Variants in AHRR observed in about 807,000 individuals in gnomAD.
The protein encoded by AHRR is aryl hydrocarbon receptor repressor, also known as ahR repressor.
In AHRR, 28 loss-of-function variants were observed where a neutral mutation model predicts 44.0. That is an observed-to-expected ratio of 0.64 (90% CI 0.47 to 0.87). AHRR has a LOEUF of 0.87. Among genes scored for constraint, AHRR ranks in the 40% least tolerant of loss-of-function variants. The probability of loss-of-function intolerance (pLI) is 0.00; values close to 1 mark genes in which losing one functional copy is unlikely to be tolerated. For synonymous variants in AHRR, 434 were observed against 407.0 expected, an observed-to-expected ratio of 1.07 and a Z score of -0.80; for missense variants, 990 against 953.9, an observed-to-expected ratio of 1.04 and a Z score of -0.50.
chr5:406,016 G>A lies in AHRR; in HGVS notation c.352-7328G>A, dbSNP rs1387861720. On this transcript the variant is annotated intron_variant, in intron 4 of 10. Transcript: ENST00000684583. The surrounding 1 kb of genome is among the most constrained non-coding windows in gnomAD (Gnocchi z 4.7). The stretch of plus-strand genomic sequence containing the variant: ...TCCCCACACCTGTGACACCCAACAA[G>A]ATAGACACAGATGTATGAAACGCTC... 6.6e-6 allele frequency among the ~76,000 whole-genome samples: 1 copy of A among 152,082 alleles called. No homozygotes were observed. Among genetic ancestry groups the A allele is most frequent in the African/African-American group, 2.4e-5 (1 of 41,392 alleles).
chr5:427,894 C>T lies in AHRR; in HGVS notation c.796C>T (p.Leu266=). 6.2e-7 allele frequency: 1 copy of T among 1,614,172 alleles called. No homozygotes were observed. The highest frequency in any genetic ancestry group is 8.5e-7 in the Non-Finnish European group (1 of 1,180,052). The change falls in exon 8 of 11, where the codon CTG becomes TTG. Residue 266 remains leucine (L), a synonymous_variant. Transcript: ENST00000684583. ...AGCCATGCTCCCGCCGCGGCTGTCG[C>T]TGTTCTGCATTGCGGCACCCGTTCT... ...SGAMLPPRLS[L]FCIAAPVLLP... is the part of the protein sequence containing the mutation.
intron 2 of AHRR, among the ~76,000 whole-genome samples, chr5:344,801 G>T (rs1260403588): frequency 7.5e-6 from 1 of 133,172 alleles, no homozygotes; most frequent in Non-Finnish European, 1.6e-5. Flanking sequence ...GGCTGTGTGA[G>T]ACTGTGTGTG....
intron 3 of AHRR, among the ~76,000 whole-genome samples, chr5:371,272 C>G (rs1026408600): frequency 3.9e-5 from 6 of 152,200 alleles, no homozygotes; most frequent in Non-Finnish European, 1.5e-5. Context: ...CTGGAAACAC[C>G]TCCCAACACA....
intron 4 of AHRR, among the ~76,000 whole-genome samples, chr5:379,712 A>G (rs1481301821): frequency 6.6e-6 from 1 of 152,068 alleles, no homozygotes; most frequent in Non-Finnish European, 1.5e-5. Flanking sequence ...CAGTTTAGAG[A>G]TCTCTTTATA....
chr5:352,625 C>G (rs1447354433), intron 2 of AHRR, among the ~76,000 whole-genome samples: 10 of 127,958 alleles, frequency 7.8e-5, no homozygotes, highest in East Asian at 2.3e-4. Context: ...GATGGTCACT[C>G]TGAGGTTAAA....
In AHRR at chr5:410,559, A is replaced by AAC. The variant is rs1553986983; in HGVS notation, c.352-2785_352-2784insAC. On this transcript the variant is annotated intron_variant, in intron 4 of 10. Transcript: ENST00000684583. ...GTCGCTTTCTATAAAAAGAAAAAAA[A>AAC]CTTTAAAATGATGATTGGGATTGCA... Among the ~76,000 whole-genome samples, 19 of 152,114 alleles carry AAC rather than the reference A, an allele frequency of 1.2e-4. No individual in the cohort carries two copies. In the East Asian group the frequency reaches 1.9e-3, roughly 15 times the overall value.
chr5:361,942 G>C (rs1387291997), intron 3 of AHRR, among the ~76,000 whole-genome samples: 1 of 152,200 alleles, frequency 6.6e-6, no homozygotes, highest in East Asian at 1.9e-4. Context: ...TGGAGTTAAT[G>C]TATTTTGCAT....
At chr5:409,527 C>T (rs1393695120) in intron 4 of AHRR, among the ~76,000 whole-genome samples, 1 of 152,158 alleles carries the variant, frequency 6.6e-6, no homozygotes, top group Non-Finnish European at 1.5e-5. Flanking sequence ...AGCAGCAGCT[C>T]TGTGAGGTTT....
intron 4 of AHRR, among the ~76,000 whole-genome samples, chr5:398,429 A>G (rs1734862978): frequency 6.6e-6 from 1 of 151,054 alleles, no homozygotes; most frequent in Non-Finnish European, 1.5e-5. Flanking sequence ...GACCATCCAC[A>G]TAAGCCCCTG....
chr5:419,354 G>A lies in AHRR; in HGVS notation c.442-3375G>A, dbSNP rs1321139573. Among the ~76,000 whole-genome samples the A allele has an allele frequency of 5.9e-5, 9 of 151,990 alleles. No individual in the cohort carries two copies. The highest frequency in any genetic ancestry group is 2.2e-4 in the African/African-American group (9 of 41,360). On this transcript the variant is annotated intron_variant, in intron 5 of 10. Coordinates refer to ENST00000684583, the MANE Select transcript of AHRR (RefSeq NM_001377236.1). This position sits in a 1 kb window ranked among gnomAD's most constrained non-coding sequence, Gnocchi z 4.4. ...TAAATTTTGTATTTTTAGAAGAGAC[G>A]GGGCTTCACCATGTTGAAGCCAGGC...
chr5:428,925 G>C (rs976803632), intron 8 of AHRR, among the ~76,000 whole-genome samples: 3 of 152,204 alleles, frequency 2.0e-5, no homozygotes, highest in African/African-American at 7.2e-5. Context: ...GTGGAGCTCT[G>C]GCGGTCACGC....
intron 3 of AHRR, among the ~76,000 whole-genome samples, chr5:362,138 C>T (rs538579369): frequency 6.6e-6 from 1 of 152,206 alleles, no homozygotes; most frequent in East Asian, 1.9e-4. Context: ...GGGATTAGCA[C>T]ACGTATAAGG....
At chr5:393,370 G>A (rs904305921) in intron 4 of AHRR, among the ~76,000 whole-genome samples, 4 of 152,338 alleles carry the variant, frequency 2.6e-5, no homozygotes, top group East Asian at 3.9e-4. Context: ...CTCACTAACC[G>A]ATCCTTCCTC....
At chr5:429,343 G>A (rs114766172) in intron 8 of AHRR, among the ~76,000 whole-genome samples, 4,512 of 151,422 alleles carry the variant, frequency 0.03, 134 homozygotes, top group Middle Eastern at 0.079. Context: ...CCAGGATGCC[G>A]GAGATCCAAC....
chr5:421,060 C>T (rs931782641), intron 5 of AHRR: 2 of 526,574 alleles, frequency 3.8e-6, no homozygotes, highest in Admixed American at 3.7e-5. Context: ...TCCACCGCAG[C>T]GACTAAAAGA....
At chr5:409,551 C>A (rs1160423323) in intron 4 of AHRR, among the ~76,000 whole-genome samples, 1 of 152,200 alleles carries the variant, frequency 6.6e-6, no homozygotes, top group Non-Finnish European at 1.5e-5. Context: ...CTTGCACATC[C>A]CTGATGGCTA....
At position 432,788 on chromosome 5, in the gene AHRR, C is replaced by G. The variant is rs553699720; in HGVS notation, c.971-18C>G. On this transcript the variant is annotated intron_variant, in intron 9 of 10. Coordinates refer to ENST00000684583, the MANE Select transcript of AHRR (RefSeq NM_001377236.1). Reference sequence around the variant, plus strand: ...AGCTCGCACCGTGACGGCTTCCCCCCCCTCTAAACCCCAACAGGAAGGAGC... The same window carrying G: ...AGCTCGCACCGTGACGGCTTCCCCCGCCTCTAAACCCCAACAGGAAGGAGC... 46 of 1,613,934 alleles carry G rather than the reference C, an allele frequency of 2.9e-5. No homozygotes were observed. Among genetic ancestry groups the G allele is most frequent in the South Asian group, 1.8e-4 (16 of 91,084 alleles).
rs546650499 is a variant in AHRR, at chr5:353,740, G to C, written c.73G>C (p.Val25Leu). 3.1e-6 allele frequency: 5 copies of C among 1,609,716 alleles called. No individual in the cohort carries two copies. The highest frequency in any genetic ancestry group is 1.1e-5 in the South Asian group (1 of 90,876). ...ACCATCTCCCCACAGGAGGCCCGCC[G>C]TGGGGGCAGAGAAGTCCAACCCCTC... ...RRPLQKQRPA[V>L]GAEKSNPSKR... The change falls in exon 3 of 11, where the codon GTG (valine) becomes CTG (leucine). Residue 25 changes from valine (V) to leucine (L), a missense_variant. Val to Leu is a conservative substitution (Grantham distance 32, BLOSUM62 1). Coordinates refer to ENST00000684583, the MANE Select transcript of AHRR (RefSeq NM_001377236.1).
intron 3 of AHRR, among the ~76,000 whole-genome samples, chr5:364,766 T>C (rs1279685489): frequency 6.6e-6 from 1 of 152,052 alleles, no homozygotes; most frequent in Non-Finnish European, 1.5e-5. Flanking sequence ...ATCTACACTC[T>C]AAGGGTACAG....
Sources: gnomAD v4.1 joint callset for allele counts (sites outside exome capture counted in the v4.1 genomes callset) on GRCh38, gnomAD v4.1.1 for gene constraint, Gnocchi (gnomAD v3.1) non-coding constraint, MANE v1.5 for transcripts, NCBI Gene and HGNC (gene_info 2026-07-23, HGNC 2026-07-21) for gene names.